SAMMSON: variants seen among roughly 807,000 people sequenced by gnomAD.
SAMMSON encodes long intergenic non-protein coding RNA 1212.
chr3:70,064,157 T>G (rs2067201005), intron 3 of SAMMSON, among the ~76,000 whole-genome samples: 1 of 152,098 alleles, frequency 6.6e-6, no homozygotes, highest in African/African-American at 2.4e-5. Context: ...GGATAAAAAA[T>G]TATTTGAGAC....
At chr3:70,137,923 A>G (rs1396810843) in intron 4 of SAMMSON, among the ~76,000 whole-genome samples, 2 of 152,198 alleles carry the variant, frequency 1.3e-5, no homozygotes, top group African/African-American at 2.4e-5. Context: ...TACTGCAGAT[A>G]TATCACAGTT....
At chr3:70,180,760 A>C (rs1309023503) in intron 4 of SAMMSON, among the ~76,000 whole-genome samples, 1 of 152,252 alleles carries the variant, frequency 6.6e-6, no homozygotes, top group Non-Finnish European at 1.5e-5. Context: ...ACAGTGGTGC[A>C]CAACAGACAG....
rs146542246 is a variant in SAMMSON at position 70,314,903 on chromosome 3, C to T, written n.739+23660C>T. On this transcript the variant is annotated intron_variant and non_coding_transcript_variant, in intron 7 of 9. Transcript: ENST00000642114. The stretch of plus-strand genomic sequence containing the variant: ...GTGTTCATTTTTATATACTTGTATC[C>T]TTATGTCCAACTAAACAGTTTTTTA... Among the ~76,000 whole-genome samples, 357 of 152,074 alleles carry T rather than the reference C, an allele frequency of 2.3e-3. 3 individuals are homozygous for T. Among genetic ancestry groups the T allele is most frequent in the African/African-American group, 7.9e-3 (326 of 41,484 alleles).
chr3:70,309,188 C>T (rs1015049070), intron 7 of SAMMSON, among the ~76,000 whole-genome samples: 24 of 151,988 alleles, frequency 1.6e-4, no homozygotes, highest in Non-Finnish European at 2.6e-4. Context: ...CCTCAAAGAC[C>T]GAGGTTGGAG....
intron 6 of SAMMSON, among the ~76,000 whole-genome samples, chr3:70,267,170 T>C (rs1029394565): frequency 3.3e-5 from 5 of 152,184 alleles, no homozygotes; most frequent in African/African-American, 4.8e-5. Flanking sequence ...TGATTGATTA[T>C]GTAGGGATTT....
At chr3:70,407,962 G>A (rs908489511) in intron 2 of SAMMSON, among the ~76,000 whole-genome samples, 18 of 152,372 alleles carry the variant, frequency 1.2e-4, no homozygotes, top group African/African-American at 4.3e-4. Flanking sequence ...AGTCTAGGCA[G>A]AGGTTCCCAA....
At chr3:70,251,804 C>T (rs556884511) in intron 6 of SAMMSON, among the ~76,000 whole-genome samples, 33 of 152,250 alleles carry the variant, frequency 2.2e-4, no homozygotes, top group African/African-American at 6.7e-4. Context: ...TGAGTCAAAC[C>T]CTACTGCACC....
At chr3:70,203,151 T>G (rs1701257894) in intron 4 of SAMMSON, among the ~76,000 whole-genome samples, 1 of 151,892 alleles carries the variant, frequency 6.6e-6, no homozygotes, top group African/African-American at 2.4e-5. Context: ...CAAATCACAA[T>G]CCCTCCTCAT....
At chr3:70,060,928 A>G (rs969967495) in intron 3 of SAMMSON, among the ~76,000 whole-genome samples, 3 of 152,096 alleles carry the variant, frequency 2.0e-5, no homozygotes, top group Non-Finnish European at 4.4e-5. Context: ...GTAGTGGAGA[A>G]AAGATGAGAG....
At chr3:70,427,816 C>T (rs961488307) in intron 2 of SAMMSON, among the ~76,000 whole-genome samples, 2 of 151,172 alleles carry the variant, frequency 1.3e-5, no homozygotes, top group Admixed American at 6.6e-5. Context: ...GAAATAGTTG[C>T]GGAGTCTCTT....
At chr3:70,080,814 C>G (rs1478930046) in intron 4 of SAMMSON, among the ~76,000 whole-genome samples, 1 of 151,614 alleles carries the variant, frequency 6.6e-6, no homozygotes, top group African/African-American at 2.4e-5. Flanking sequence ...AACGATATTG[C>G]AAAAATGATC....
chr3:70,262,486 G>A (rs1022875223), intron 6 of SAMMSON, among the ~76,000 whole-genome samples: 1 of 152,162 alleles, frequency 6.6e-6, no homozygotes, highest in African/African-American at 2.4e-5. Flanking sequence ...GCTCTTCAGT[G>A]TTTATTATGG....
At chr3:70,062,829 A>G (rs1055944552) in intron 3 of SAMMSON, among the ~76,000 whole-genome samples, 1 of 152,080 alleles carries the variant, frequency 6.6e-6, no homozygotes, top group African/African-American at 2.4e-5. Context: ...AATGACTTCC[A>G]CATCTGTACC....
chr3:70,381,169 A>G (rs1703063172), intron 9 of SAMMSON, among the ~76,000 whole-genome samples: 1 of 152,150 alleles, frequency 6.6e-6, no homozygotes, highest in Non-Finnish European at 1.5e-5. Flanking sequence ...AGTTGTGTTA[A>G]AAAGATGTAG....
At chr3:70,038,075 C>T (rs1237040439) in intron 3 of SAMMSON, among the ~76,000 whole-genome samples, 2 of 152,070 alleles carry the variant, frequency 1.3e-5, no homozygotes, top group Non-Finnish European at 1.5e-5. Context: ...TTTTTGTTAA[C>T]TCCATTCAAG....
chr3:70,201,792 G>T (rs1423284883), intron 4 of SAMMSON, among the ~76,000 whole-genome samples: 2 of 152,050 alleles, frequency 1.3e-5, no homozygotes, highest in African/African-American at 4.8e-5. Flanking sequence ...CCCTCCTCTT[G>T]CCCTCCTCTG....
intron 4 of SAMMSON, among the ~76,000 whole-genome samples, chr3:70,145,493 TA>T (rs1231538350): frequency 6.6e-6 from 1 of 152,052 alleles, no homozygotes; most frequent in Non-Finnish European, 1.5e-5. Context: ...TTGAAATCAT[TA>T]AAAATGCTCT....
intron 7 of SAMMSON, among the ~76,000 whole-genome samples, chr3:70,300,110 T>C (rs182786989): frequency 6.6e-6 from 1 of 152,258 alleles, no homozygotes; most frequent in African/African-American, 2.4e-5. Context: ...ATGTGCTGCT[T>C]CCTACCTCTG....
At chr3:70,059,255 ATT>A (rs1023811056) in intron 3 of SAMMSON, among the ~76,000 whole-genome samples, 1 of 152,154 alleles carries the variant, frequency 6.6e-6, no homozygotes, top group African/African-American at 2.4e-5. Context: ...TTAGGTAAGC[ATT>A]TTAGATAGAG....
Sources: allele counts gnomAD v4.1 joint callset (sites outside exome capture counted in the v4.1 genomes callset), GRCh38; gene constraint gnomAD v4.1.1; transcripts MANE v1.5; gene names NCBI Gene and HGNC (gene_info 2026-07-23, HGNC 2026-07-21).